Variants in SERPINB5 observed in about 807,000 individuals in gnomAD.
The protein encoded by SERPINB5 is serpin B5.
A neutral mutation model predicts 32.2 loss-of-function variants in SERPINB5; 27 were observed. The observed-to-expected ratio is 0.84, with a 90% CI of 0.62 to 1.16. SERPINB5 has a LOEUF of 1.16. Among genes scored for constraint, SERPINB5 ranks in the 50% most tolerant of loss-of-function variants. SERPINB5 has a pLI of 0.00. For synonymous variants in SERPINB5, 154 were observed against 157.4 expected, an observed-to-expected ratio of 0.98 and a Z score of 0.16; for missense variants, 388 against 436.3, an observed-to-expected ratio of 0.89 and a Z score of 0.99.
chr18:63,493,067 C>T lies in SERPINB5; in HGVS notation c.539C>T (p.Thr180Ile), dbSNP rs1292712745. 2 of 1,614,172 alleles carry T rather than the reference C, an allele frequency of 1.2e-6. No individual in the cohort carries two copies. Among genetic ancestry groups the T allele is most frequent in the East Asian group, 4.5e-5 (2 of 44,888 alleles). The change falls in exon 5 of 7, where the codon ACA becomes ATA. Residue 180 changes from threonine (T) to isoleucine (I), a missense_variant. By Grantham distance (89) the Thr-to-Ile change is moderately conservative. Transcript: ENST00000382771. ...KWMKKFSESETKECPFRVNKT... is the reference protein window; with the variant it reads ...KWMKKFSESEIKECPFRVNKT... ...ATGAAGAAATTTTCTGAATCAGAAA[C>T]AAAAGAATGTCCTTTCAGAGTCAAC... is the stretch of plus-strand genomic sequence containing the variant.
chr18:63,492,852 G>T, intron 4 of SERPINB5, 101 bp from the exon 5 acceptor site: 1 of 1,401,080 alleles, frequency 7.1e-7, no homozygotes, highest in South Asian at 1.4e-5. Context: ...TACATGGTGT[G>T]ACTCCATGAA....
intron 1 of SERPINB5, among the ~76,000 whole-genome samples, chr18:63,478,075 G>GT (rs1416312765): frequency 3.9e-5 from 6 of 152,234 alleles, no homozygotes; most frequent in Admixed American, 1.3e-4. Context: ...GTCAGTTAGT[G>GT]TAAGTGTTCG....
At chr18:63,489,261 A>G (rs1599389451) in intron 3 of SERPINB5, 86 bp from the exon 4 acceptor site, 2 of 739,876 alleles carry the variant, frequency 2.7e-6, no homozygotes, top group Admixed American at 5.0e-5. Flanking sequence ...ATAGCAGTTG[A>G]TATTTAATAA....
At chr18:63,480,048 T>C (rs1316901479) in intron 1 of SERPINB5, among the ~76,000 whole-genome samples, 1 of 152,136 alleles carries the variant, frequency 6.6e-6, no homozygotes, top group Admixed American at 6.6e-5. Context: ...AGCAATGAAT[T>C]CTAGGTCTGG....
rs79285331 is a variant in SERPINB5 at position 63,478,474 on chromosome 18, C to T, written c.-8+1429C>T. 9.6e-3 allele frequency among the ~76,000 whole-genome samples: 1,463 copies of T among 152,306 alleles called. 72 individuals carry two copies. Among genetic ancestry groups the T allele is most frequent in the Admixed American group, 0.078 (1,188 of 15,284 alleles). On this transcript the variant is annotated intron_variant, in intron 1 of 6. Coordinates refer to ENST00000382771, the MANE Select transcript of SERPINB5 (RefSeq NM_002639.5). ...TATACATTGATTCACTTAATCACTT[C>T]GTTTAGTCCTCATAGTCTTTCACAT...
chr18:63,497,927 T>C (rs759664644), intron 5 of SERPINB5, among the ~76,000 whole-genome samples: 7 of 152,206 alleles, frequency 4.6e-5, no homozygotes, highest in Non-Finnish European at 1.0e-4. Flanking sequence ...CATTTGGGAC[T>C]AAAAACCAAG....
chr18:63,497,474 C>G, intron 5 of SERPINB5: 1 of 526,198 alleles, frequency 1.9e-6, no homozygotes, highest in Non-Finnish European at 3.4e-6. Flanking sequence ...CTGTGCTAAG[C>G]TTTACCATTG....
intron 2 of SERPINB5, chr18:63,485,535 T>A (rs1917196285): frequency 6.6e-6 from 1 of 152,186 alleles, no homozygotes; most frequent in Non-Finnish European, 1.5e-5. Flanking sequence ...GCAGCTTCAC[T>A]CCTGTGAAGA....
Position 63,484,595 on chromosome 18 carries a change from A to G in SERPINB5, c.167A>G (p.Gln56Arg). The change falls in exon 2 of 7, where the codon CAG (glutamine) becomes CGG (arginine). Residue 56 changes from glutamine (Q) to arginine (R), a missense_variant and splice_region_variant. By Grantham distance (43) the Gln-to-Arg change is conservative. Transcript: ENST00000382771. ...GGTGACACTGCAAATGAAATTGGAC[A>G]GGTAAGCCCCAAAACCTTGTTTCTA... ...AKGDTANEIG[Q>R]VLHFENVKDV... 6.2e-7 allele frequency: 1 copy of G among 1,612,238 alleles called. No homozygotes were observed. The highest frequency in any genetic ancestry group is 8.5e-7 in the Non-Finnish European group (1 of 1,179,362).
intron 2 of SERPINB5, chr18:63,486,041 GCCCT>G (rs1917208406): frequency 1.3e-5 from 2 of 151,586 alleles, no homozygotes; most frequent in Non-Finnish European, 2.9e-5. Flanking sequence ...AATGATTTAA[GCCCT>G]CCAAATGATA....
chr18:63,499,150 A>G lies in SERPINB5; in HGVS notation c.598A>G (p.Met200Val), dbSNP rs1909518338. Residue 200 changes from methionine (M) to valine (V), a missense_variant, in exon 6 of 7, where the codon ATG (methionine) becomes GTG (valine). Coordinates refer to ENST00000382771, the MANE Select transcript of SERPINB5 (RefSeq NM_002639.5). ...CACCAAACCAGTGCAGATGATGAAC[A>G]TGGAGGCCACGTTCTGTATGGGAAA... ...TDTKPVQMMN[M>V]EATFCMGNID... 1 of 1,577,576 alleles carries G rather than the reference A, an allele frequency of 6.3e-7. No individual in the cohort carries two copies. The highest frequency in any genetic ancestry group is 8.6e-7 in the Non-Finnish European group (1 of 1,160,480).
At chr18:63,477,415 T>C (rs968242630) in intron 1 of SERPINB5, 1 of 152,202 alleles carries the variant, frequency 6.6e-6, no homozygotes, top group Admixed American at 6.5e-5. Flanking sequence ...TCAGAATGAA[T>C]TTTGCAATGC....
intron 5 of SERPINB5, chr18:63,497,499 G>GAAA (rs60323388): frequency 0.032 from 7,124 of 223,056 alleles, 95 homozygotes; most frequent in Non-Finnish European, 0.041. Flanking sequence ...CAACGTTTCT[G>GAAA]AAAAAAAAAA....
intron 6 of SERPINB5, among the ~76,000 whole-genome samples, chr18:63,503,028 A>C (rs901055133): frequency 3.9e-5 from 6 of 152,112 alleles, no homozygotes; most frequent in African/African-American, 4.8e-5. Context: ...TCTAAAAAAA[A>C]CCCAAACAAA....
chr18:63,497,951 A>G (rs933014425), intron 5 of SERPINB5, among the ~76,000 whole-genome samples: 2 of 152,200 alleles, frequency 1.3e-5, no homozygotes, highest in African/African-American at 4.8e-5. Context: ...CTTATCTTCA[A>G]TTTAGACTTT....
chr18:63,487,571 C>G (rs1347234210), intron 3 of SERPINB5, among the ~76,000 whole-genome samples: 1 of 152,168 alleles, frequency 6.6e-6, no homozygotes, highest in South Asian at 2.1e-4. Flanking sequence ...ACTATGAATT[C>G]ACAATTTTCA....
intron 3 of SERPINB5, among the ~76,000 whole-genome samples, chr18:63,488,710 A>C (rs920551724): frequency 6.6e-6 from 1 of 152,132 alleles, no homozygotes; most frequent in Admixed American, 6.5e-5. Flanking sequence ...CAAGGTGGGA[A>C]TGGGGTTTAG....
At chr18:63,499,047 GTATATATA>G in intron 5 of SERPINB5, 65 bp from the exon 6 acceptor site, 15 of 495,680 alleles carry the variant, frequency 3.0e-5, no homozygotes, top group Admixed American at 8.5e-5. Flanking sequence ...GCGCGTGTGT[GTATATATA>G]TATATATATA....
chr18:63,503,640 A>G lies in SERPINB5; in HGVS notation c.1046A>G (p.Asn349Ser), dbSNP rs776808561. Residue 349 changes from asparagine (N) to serine (S), a missense_variant, in exon 7 of 7, where the codon AAT (asparagine) becomes AGT (serine). Asn to Ser is a conservative substitution (Grantham distance 46, BLOSUM62 1). Transcript: ENST00000382771. ...ARILQHKDEL[N>S]ADHPFIYIIR... ...ATCCTGCAGCACAAGGATGAATTGA[A>G]TGCTGACCATCCCTTTATTTACATC... The G allele has an allele frequency of 3.1e-6, 5 of 1,614,120 alleles. No homozygotes were observed. In the South Asian group the frequency reaches 5.5e-5, roughly 18 times the overall value.
Sources: gnomAD v4.1 joint callset for allele counts (sites outside exome capture counted in the v4.1 genomes callset) on GRCh38, gnomAD v4.1.1 for gene constraint, MANE v1.5 for transcripts, NCBI Gene and HGNC (gene_info 2026-07-23, HGNC 2026-07-21) for gene names.